Variants in DPH6 observed in about 807,000 individuals in gnomAD.
The protein encoded by DPH6 is diphthamine biosynthesis 6.
DPH6 carries 33 observed loss-of-function variants against 38.2 expected under a neutral mutation model. The ratio of observed to expected loss-of-function variants is 0.86; its 90% CI spans 0.65 to 1.15. DPH6 has a LOEUF of 1.15. DPH6 is among the 50% of genes most tolerant of loss of function. The pLI is 0.00. For missense variants in DPH6, 325 were observed against 320.0 expected (o/e 1.02, Z -0.12); for synonymous variants, 108 against 103.0 (o/e 1.05, Z -0.30).
chr15:35,459,800 C>T (rs1250693831), intron 3 of DPH6, among the ~76,000 whole-genome samples: 3 of 152,052 alleles, frequency 2.0e-5, no homozygotes, highest in Admixed American at 6.6e-5. Flanking sequence ...CACAAATATA[C>T]AGAAAATTTT....
At chr15:35,484,525 C>T (rs1356032452) in intron 3 of DPH6, among the ~76,000 whole-genome samples, 1 of 152,242 alleles carries the variant, frequency 6.6e-6, no homozygotes, top group African/African-American at 2.4e-5. Flanking sequence ...AATGAGGATG[C>T]TCAGTGGCAG....
intron 3 of DPH6, among the ~76,000 whole-genome samples, chr15:35,280,502 A>C: frequency 6.6e-6 from 1 of 152,208 alleles, no homozygotes; most frequent in East Asian, 1.9e-4. Flanking sequence ...TATACTGATA[A>C]CTGAGACAAT....
chr15:35,277,900 T>A (rs543822148), intron 3 of DPH6, among the ~76,000 whole-genome samples: 3 of 152,196 alleles, frequency 2.0e-5, no homozygotes, highest in South Asian at 4.1e-4. Context: ...TAAGAGCCTA[T>A]CATCAGATAC....
intron 3 of DPH6, among the ~76,000 whole-genome samples, chr15:35,537,576 C>T (rs1004377626): frequency 1.3e-5 from 2 of 152,036 alleles, no homozygotes; most frequent in Non-Finnish European, 2.9e-5. Context: ...AATATACGCT[C>T]CTAGAAATTA....
At chr15:35,466,601 T>C (rs1481368900) in intron 3 of DPH6, among the ~76,000 whole-genome samples, 2 of 152,202 alleles carry the variant, frequency 1.3e-5, no homozygotes, top group East Asian at 3.8e-4. Context: ...TTGAAATGTA[T>C]ACAGTTGTAA....
chr15:35,285,307 G>C (rs2051933503), intron 3 of DPH6, among the ~76,000 whole-genome samples: 1 of 152,090 alleles, frequency 6.6e-6, no homozygotes, highest in Non-Finnish European at 1.5e-5. Context: ...TTGAATTGTT[G>C]CTCCCACAAT....
At chr15:35,496,583 T>C (rs1319846923) in intron 3 of DPH6, among the ~76,000 whole-genome samples, 1 of 101,954 alleles carries the variant, frequency 9.8e-6, no homozygotes, top group Non-Finnish European at 1.8e-5. Flanking sequence ...TATATATATA[T>C]ATATATATCC....
Position 35,460,064 on chromosome 15 carries a change from C to A in DPH6, c.313-5244G>T, listed in dbSNP as rs1320783415. ...TGTGCTCTTTCTTACTGACATAGTA[C>A]CATATGCTATAGAAACTTCAACAAA... On this transcript the variant is annotated intron_variant, in intron 3 of 8. Coordinates refer to ENST00000256538, the MANE Select transcript of DPH6 (RefSeq NM_080650.4). Among the ~76,000 whole-genome samples, 3 of 152,146 alleles carry A rather than the reference C, an allele frequency of 2.0e-5. No individual in the cohort carries two copies. The South Asian group carries it at 6.2e-4, about 31-fold the overall frequency.
intron 6 of DPH6, among the ~76,000 whole-genome samples, chr15:35,408,900 T>C (rs2053328829): frequency 6.6e-6 from 1 of 151,882 alleles, no homozygotes; most frequent in Non-Finnish European, 1.5e-5. Flanking sequence ...ATTTTGGTTT[T>C]GAAGCAAAGA....
intron 3 of DPH6, among the ~76,000 whole-genome samples, chr15:35,493,296 T>C (rs1258638522): frequency 1.3e-5 from 2 of 152,178 alleles, no homozygotes; most frequent in African/African-American, 2.4e-5. Flanking sequence ...AAAAGAATTA[T>C]ACTTCACAAA....
At chr15:35,267,704 T>C (rs2051791879) in intron 3 of DPH6, among the ~76,000 whole-genome samples, 1 of 152,196 alleles carries the variant, frequency 6.6e-6, no homozygotes, top group Admixed American at 6.5e-5. Context: ...CTTTATTCAT[T>C]TGCCATCCCT....
intron 5 of DPH6, among the ~76,000 whole-genome samples, chr15:35,419,655 C>T (rs2053480245): frequency 6.6e-6 from 1 of 151,980 alleles, no homozygotes; most frequent in South Asian, 2.1e-4. Flanking sequence ...GCTATACTAA[C>T]CTTAGACAGA....
chr15:35,420,030 T>C (rs553267335), intron 5 of DPH6, among the ~76,000 whole-genome samples: 1 of 152,288 alleles, frequency 6.6e-6, no homozygotes, highest in African/African-American at 2.4e-5. Context: ...AGAGATCATA[T>C]GTTTGGCCAC....
At chr15:35,253,517 A>C (rs984951857) in intron 3 of DPH6, among the ~76,000 whole-genome samples, 1 of 152,228 alleles carries the variant, frequency 6.6e-6, no homozygotes, top group Non-Finnish European at 1.5e-5. Context: ...CAGACAAAAC[A>C]ACCATAACAA....
At chr15:35,525,080 C>T (rs2054978709) in intron 3 of DPH6, among the ~76,000 whole-genome samples, 1 of 152,116 alleles carries the variant, frequency 6.6e-6, no homozygotes, top group Non-Finnish European at 1.5e-5. Context: ...TCAGTTCCTA[C>T]CCTCATGAGG....
At chr15:35,221,152 T>C (rs1167463818) in intron 3 of DPH6, among the ~76,000 whole-genome samples, 1 of 152,244 alleles carries the variant, frequency 6.6e-6, no homozygotes. Flanking sequence ...CTCCATGTCC[T>C]GCCTCCTGAA....
At chr15:35,186,019 C>T in the DPH6 span, among the ~76,000 whole-genome samples, 3 of 152,098 alleles carry the variant, frequency 2.0e-5, no homozygotes, top group Admixed American at 6.5e-5. Context: ...CAGGTGTGAG[C>T]CACTGCGCCC....
At chr15:35,431,994 T>C (rs1160509320) in intron 5 of DPH6, among the ~76,000 whole-genome samples, 1 of 152,094 alleles carries the variant, frequency 6.6e-6, no homozygotes, top group Non-Finnish European at 1.5e-5. Context: ...AATCAATACT[T>C]ACTATGACTC....
intron 6 of DPH6, among the ~76,000 whole-genome samples, chr15:35,389,127 C>T (rs202046966): frequency 1.3e-5 from 2 of 152,150 alleles, no homozygotes; most frequent in East Asian, 1.9e-4. Context: ...GCAGGTTGTT[C>T]AGTTTCCATG....
Sources: allele counts gnomAD v4.1 joint callset (sites outside exome capture counted in the v4.1 genomes callset), GRCh38; gene constraint gnomAD v4.1.1; transcripts MANE v1.5; gene names NCBI Gene and HGNC (gene_info 2026-07-23, HGNC 2026-07-21).